The following CLVS1 variants were observed in gnomAD, a reference collection of about 807,000 sequenced individuals.
CLVS1 encodes the protein clavesin 1.
Under a neutral mutation model 33.1 loss-of-function variants are expected in CLVS1, and 10 were observed. The ratio of observed to expected loss-of-function variants is 0.30; its 90% CI spans 0.19 to 0.51. The LOEUF (loss-of-function observed/expected upper bound fraction) is 0.51, where lower values mean the gene tolerates loss of function less well. CLVS1 is among the 20% of genes least tolerant of loss of function. CLVS1 has a pLI of 0.97. For synonymous variants in CLVS1, 163 were observed against 166.1 expected (o/e 0.98, Z 0.14); for missense variants, 343 against 433.4 (o/e 0.79, Z 1.85).
In CLVS1 at chr8:61,399,788, G is replaced by T. The variant is rs187644632; in HGVS notation, c.630+23009G>T. 4.4e-3 allele frequency among the ~76,000 whole-genome samples: 668 copies of T among 152,250 alleles called. 10 individuals are homozygous for T. The highest frequency in any genetic ancestry group is 0.038 in the South Asian group (185 of 4,822). On this transcript the variant is annotated intron_variant, in intron 3 of 5. Transcript: ENST00000325897. ...TTCTCCCAGCACCATTTATTAAATA[G>T]GGAATCCTTTCCCCATTGCTTGTCT...
chr8:61,014,085 G>GT, the CLVS1 span, among the ~76,000 whole-genome samples: 7,399 of 126,754 alleles, frequency 0.058, 234 homozygotes, highest in Non-Finnish European at 0.07. Context: ...ACTTTTTAGT[G>GT]TTTTTTTTTT....
chr8:61,319,674 T>C (rs1296667006), intron 2 of CLVS1, among the ~76,000 whole-genome samples: 1 of 152,186 alleles, frequency 6.6e-6, no homozygotes, highest in East Asian at 1.9e-4. Context: ...TTTCTTAGTT[T>C]TGACTCCAAT....
the CLVS1 span, among the ~76,000 whole-genome samples, chr8:61,050,818 T>A: frequency 6.6e-6 from 1 of 152,172 alleles, no homozygotes; most frequent in Non-Finnish European, 1.5e-5. Context: ...AGGGAGAGAA[T>A]TGGGAAGGAG....
chr8:61,088,509 A>G (rs1332027625), intron 1 of CLVS1, among the ~76,000 whole-genome samples: 1 of 149,952 alleles, frequency 6.7e-6, no homozygotes, highest in Non-Finnish European at 1.5e-5. Flanking sequence ...AAAAAAAAGG[A>G]GCAATGTAAT....
At chr8:61,170,814 T>C (rs1291919251) in intron 2 of CLVS1, among the ~76,000 whole-genome samples, 1 of 152,148 alleles carries the variant, frequency 6.6e-6, no homozygotes, top group Non-Finnish European at 1.5e-5. Context: ...AAGAATAGAG[T>C]TCTTTCTACA....
intron 5 of CLVS1, among the ~76,000 whole-genome samples, chr8:61,496,803 G>A (rs958855812): frequency 2.6e-5 from 4 of 152,152 alleles, no homozygotes; most frequent in African/African-American, 9.7e-5. Flanking sequence ...TTTATGGTGA[G>A]GTGGAAGGAA....
chr8:61,419,873 TCTAAA>T (rs1815588172), intron 3 of CLVS1, among the ~76,000 whole-genome samples: 1 of 152,250 alleles, frequency 6.6e-6, no homozygotes, highest in African/African-American at 2.4e-5. Flanking sequence ...AAGACTGACT[TCTAAA>T]CTAGAGTTTC....
At chr8:61,229,744 C>T (rs901806167) in intron 2 of CLVS1, among the ~76,000 whole-genome samples, 2 of 152,200 alleles carry the variant, frequency 1.3e-5, no homozygotes, top group Non-Finnish European at 2.9e-5. Context: ...GATTTTCCTG[C>T]CTCGGTCTTC....
chr8:61,227,206 C>A (rs894890569), intron 2 of CLVS1, among the ~76,000 whole-genome samples: 23 of 151,874 alleles, frequency 1.5e-4, no homozygotes, highest in African/African-American at 5.6e-4. Flanking sequence ...TACCATAGAC[C>A]AGCAGTGCTA....
At position 61,127,083 on chromosome 8, in the gene CLVS1, G is replaced by A. The variant is rs143004740; in HGVS notation, c.-242-4687G>A. On this transcript the variant is annotated intron_variant, in intron 1 of 2. Transcript: ENST00000522621. The stretch of plus-strand genomic sequence containing the variant: ...GAATTTTCCAAAGGAACCAAAAAGC[G>A]TGAGTTAGTAACTGTGCTGGGTAAA... Among the ~76,000 whole-genome samples, 45 of 152,240 alleles carry A rather than the reference G, an allele frequency of 3.0e-4. No homozygotes were observed. In the East Asian group the frequency reaches 3.9e-3, roughly 13 times the overall value.
At chr8:61,104,587 T>A (rs2129287075) in intron 1 of CLVS1, among the ~76,000 whole-genome samples, 1 of 152,262 alleles carries the variant, frequency 6.6e-6, no homozygotes, top group East Asian at 1.9e-4. Context: ...AAAGTTGGCT[T>A]ATTTTTTATA....
intron 1 of CLVS1, among the ~76,000 whole-genome samples, chr8:61,121,663 T>G (rs184320905): frequency 9.2e-5 from 14 of 152,262 alleles, no homozygotes; most frequent in Admixed American, 8.5e-4. Flanking sequence ...GCCTGTGAAA[T>G]CAAAGAGAGA....
the CLVS1 span, among the ~76,000 whole-genome samples, chr8:61,014,619 A>C: frequency 6.6e-6 from 1 of 152,178 alleles, no homozygotes; most frequent in Non-Finnish European, 1.5e-5. Flanking sequence ...ATGTGTTTTG[A>C]CTGATCAGAG....
intron 5 of CLVS1, among the ~76,000 whole-genome samples, chr8:61,487,340 A>T (rs1212131221): frequency 6.6e-6 from 1 of 152,240 alleles, no homozygotes; most frequent in Non-Finnish European, 1.5e-5. Context: ...ATAAGAATAG[A>T]TAGGTTATTA....
chr8:61,347,901 A>C (rs976202124), intron 2 of CLVS1, among the ~76,000 whole-genome samples: 2 of 151,552 alleles, frequency 1.3e-5, no homozygotes, highest in Non-Finnish European at 2.9e-5. Context: ...AGCAATGTAC[A>C]AGGGTTCCCT....
the CLVS1 span, among the ~76,000 whole-genome samples, chr8:61,017,258 G>T: frequency 1.3e-5 from 2 of 152,120 alleles, no homozygotes; most frequent in Non-Finnish European, 2.9e-5. Flanking sequence ...TATACCCGTG[G>T]GTATTTTGAA....
intron 3 of CLVS1, among the ~76,000 whole-genome samples, chr8:61,423,042 G>T (rs895354338): frequency 7.9e-5 from 12 of 152,142 alleles, no homozygotes; most frequent in Non-Finnish European, 1.8e-4. Context: ...TCCACTGATT[G>T]TTCTTAATGG....
At chr8:61,381,499 C>T (rs1414379724) in intron 3 of CLVS1, among the ~76,000 whole-genome samples, 1 of 152,104 alleles carries the variant, frequency 6.6e-6, no homozygotes, top group South Asian at 2.1e-4. Context: ...GTAAACTGTA[C>T]GTTGCTGAGG....
At chr8:61,059,475 C>CATATATATATATAT (rs56322834) in intron 1 of CLVS1, among the ~76,000 whole-genome samples, 904 of 50,144 alleles carry the variant, frequency 0.018, 62 homozygotes, top group Middle Eastern at 0.062. Context: ...TACATACATA[C>CATATATATATATAT]ATATATATAT....
Sources: allele counts gnomAD v4.1 joint callset (sites outside exome capture counted in the v4.1 genomes callset), GRCh38; gene constraint gnomAD v4.1.1; transcripts MANE v1.5; gene names NCBI Gene and HGNC (gene_info 2026-07-23, HGNC 2026-07-21).